The following MTUS2 variants were observed in gnomAD, a reference collection of about 807,000 sequenced individuals.
The protein encoded by MTUS2 is microtubule associated scaffold protein 2.
A neutral mutation model predicts 114.1 loss-of-function variants in MTUS2; 40 were observed. The observed-to-expected ratio is 0.35, with a 90% CI of 0.27 to 0.46. MTUS2 has a LOEUF of 0.46. Ranked by LOEUF, MTUS2 falls within the 20% of genes least tolerant of loss-of-function variation. The pLI, the probability that MTUS2 is intolerant of heterozygous loss-of-function variation, is 1.00. For missense variants in MTUS2, 1,679 were observed against 1,705.4 expected (o/e 0.98, Z 0.27); for synonymous variants, 688 against 672.0 (o/e 1.02, Z -0.37).
At chr13:29,308,214 A>G (rs971084658) in intron 6 of MTUS2, among the ~76,000 whole-genome samples, 2 of 152,192 alleles carry the variant, frequency 1.3e-5, no homozygotes, top group African/African-American at 2.4e-5. Context: ...AGACACATAG[A>G]CCAATGGAAC....
chr13:29,491,961 GTA>G (rs1366004042), intron 11 of MTUS2, among the ~76,000 whole-genome samples: 2 of 147,964 alleles, frequency 1.4e-5, no homozygotes, highest in African/African-American at 2.5e-5. Context: ...TAGTGTGTGT[GTA>G]TGTGATGTGT....
At chr13:28,940,934 CATT>C (rs1202731270) in intron 2 of MTUS2, among the ~76,000 whole-genome samples, 2 of 151,924 alleles carry the variant, frequency 1.3e-5, no homozygotes, top group Non-Finnish European at 2.9e-5. Flanking sequence ...ACCATAAAAA[CATT>C]AACCCAAAAA....
At chr13:28,932,037 T>G (rs1881645789) in intron 2 of MTUS2, among the ~76,000 whole-genome samples, 1 of 152,182 alleles carries the variant, frequency 6.6e-6, no homozygotes, top group African/African-American at 2.4e-5. Flanking sequence ...ATGCATACAT[T>G]CCCATTTCAT....
intron 5 of MTUS2, among the ~76,000 whole-genome samples, chr13:29,180,821 T>TTTGA (rs1456664885): frequency 6.6e-6 from 1 of 152,170 alleles, no homozygotes; most frequent in Non-Finnish European, 1.5e-5. Flanking sequence ...CGGGGTAGCC[T>TTTGA]TTGGCCTCAT....
chr13:29,422,218 A>C (rs904794727), intron 8 of MTUS2, among the ~76,000 whole-genome samples: 1 of 152,186 alleles, frequency 6.6e-6, no homozygotes, highest in African/African-American at 2.4e-5. Flanking sequence ...CTTAAGACAT[A>C]AGCTTTAGAG....
intron 6 of MTUS2, among the ~76,000 whole-genome samples, chr13:29,310,416 T>C (rs1313312910): frequency 1.3e-5 from 2 of 152,238 alleles, no homozygotes; most frequent in Non-Finnish European, 2.9e-5. Context: ...TAGTGGCTAC[T>C]GTCTCAACTG....
At chr13:29,219,241 C>G (rs1019599447) in intron 5 of MTUS2, among the ~76,000 whole-genome samples, 3 of 147,608 alleles carry the variant, frequency 2.0e-5, no homozygotes, top group South Asian at 4.4e-4. Flanking sequence ...TTTGTTCTTG[C>G]GATAGTTTAC....
At chr13:29,045,378 C>G (rs576710139) in intron 4 of MTUS2, among the ~76,000 whole-genome samples, 2 of 152,176 alleles carry the variant, frequency 1.3e-5, no homozygotes, top group Non-Finnish European at 2.9e-5. Context: ...CTTATTTCCT[C>G]TAAGAGCACT....
intron 5 of MTUS2, among the ~76,000 whole-genome samples, chr13:29,244,215 C>G (rs1262432328): frequency 6.6e-6 from 1 of 152,058 alleles, no homozygotes; most frequent in East Asian, 1.9e-4. Context: ...GATGGCCCAC[C>G]TGTAGTTGGG....
intron 5 of MTUS2, among the ~76,000 whole-genome samples, chr13:29,118,553 T>C (rs1891181616): frequency 6.6e-6 from 1 of 152,206 alleles, no homozygotes; most frequent in South Asian, 2.1e-4. Flanking sequence ...CCTATGGTCT[T>C]CCCTCTGCTG....
At chr13:28,997,615 T>G (rs9506068) in intron 2 of MTUS2, among the ~76,000 whole-genome samples, 83,283 of 151,522 alleles carry the variant, frequency 0.55, 23,314 homozygotes, top group East Asian at 0.73. Context: ...TAGCTCTTCT[T>G]GTTGAATTGA....
At chr13:29,457,368 C>A (rs1224093023) in intron 9 of MTUS2, among the ~76,000 whole-genome samples, 2 of 150,782 alleles carry the variant, frequency 1.3e-5, no homozygotes, top group Non-Finnish European at 1.5e-5. Flanking sequence ...ATTAGTTTTA[C>A]CTGTTCTTGG....
In MTUS2 at chr13:29,454,432, C is replaced by G. The variant is rs555898636; in HGVS notation, c.3184+14383C>G. Among the ~76,000 whole-genome samples the G allele has an allele frequency of 3.9e-5, 6 of 152,288 alleles. No individual in the cohort carries two copies. In the South Asian group the frequency reaches 1.2e-3, roughly 32 times the overall value. On this transcript the variant is annotated intron_variant, in intron 9 of 15. Coordinates refer to ENST00000612955, the MANE Select transcript of MTUS2 (RefSeq NM_001033602.4). ...GTACACCAGGAATGGTTCTGACTTTCAGGGAAATACTTTTAACTAAGTTTA... is the reference window on the plus strand; with the variant it reads ...GTACACCAGGAATGGTTCTGACTTTGAGGGAAATACTTTTAACTAAGTTTA...
intron 5 of MTUS2, among the ~76,000 whole-genome samples, chr13:29,250,983 G>T (rs1412688615): frequency 6.6e-6 from 1 of 152,108 alleles, no homozygotes; most frequent in Non-Finnish European, 1.5e-5. Context: ...ATCACCCAGA[G>T]GGTTTGTGGT....
intron 2 of MTUS2, among the ~76,000 whole-genome samples, chr13:28,844,643 G>C (rs891122166): frequency 1.3e-5 from 2 of 152,020 alleles, no homozygotes; most frequent in Admixed American, 1.3e-4. Flanking sequence ...GAGAGACGGA[G>C]TCTAACTCTG....
Position 29,221,658 on chromosome 13 carries a change from A to G in MTUS2, c.2645-60046A>G, listed in dbSNP as rs1239195351. Among the ~76,000 whole-genome samples the G allele has an allele frequency of 2.0e-5, 3 of 152,052 alleles. No homozygotes were observed. The East Asian group carries it at 5.8e-4, about 29-fold the overall frequency. On this transcript the variant is annotated intron_variant, in intron 5 of 15. Coordinates refer to ENST00000612955, the MANE Select transcript of MTUS2 (RefSeq NM_001033602.4). The stretch of plus-strand genomic sequence containing the variant: ...AATTTACTTATGGTGCCTTTTTTAG[A>G]TAGAAGTTTTTAATTTTATTTTTAA...
intron 7 of MTUS2, among the ~76,000 whole-genome samples, chr13:29,353,582 T>A (rs1412762461): frequency 6.6e-6 from 1 of 152,230 alleles, no homozygotes; most frequent in East Asian, 1.9e-4. Context: ...ATTACAGGCA[T>A]GAGCCACCAT....
At chr13:29,022,947 A>G (rs1209938805) in intron 2 of MTUS2, among the ~76,000 whole-genome samples, 1 of 152,218 alleles carries the variant, frequency 6.6e-6, no homozygotes, top group Non-Finnish European at 1.5e-5. Context: ...CCTAATATGT[A>G]TGCCAGGTAT....
Position 29,100,890 on chromosome 13 carries a change from T to C in MTUS2, c.2564T>C (p.Val855Ala). The change falls in exon 5 of 16, where the codon GTC becomes GCC. Residue 855 changes from valine to alanine, a missense_variant. By Grantham distance (64) the Val-to-Ala change is moderately conservative. Transcript: ENST00000612955. Reference protein sequence around the residue: ...PAAKLAAFGFVRSSSVSSVSS... With the variant: ...PAAKLAAFGFARSSSVSSVSS... ...GCCAAACTGGCGGCATTTGGCTTTG[T>C]CCGGAGCTCCAGCGTCTCCTCAGTC... 1 of 1,567,150 alleles carries C rather than the reference T, an allele frequency of 6.4e-7. No individual in the cohort carries two copies. Among genetic ancestry groups the C allele is most frequent in the Non-Finnish European group, 8.7e-7 (1 of 1,155,800 alleles).
Sources: gnomAD v4.1 joint callset for allele counts (sites outside exome capture counted in the v4.1 genomes callset) on GRCh38, gnomAD v4.1.1 for gene constraint, MANE v1.5 for transcripts, NCBI Gene and HGNC (gene_info 2026-07-23, HGNC 2026-07-21) for gene names.